ENOX1: variants seen among roughly 807,000 people sequenced by gnomAD.
ENOX1 encodes ecto-NOX disulfide-thiol exchanger 1.
Under a neutral mutation model 82.5 loss-of-function variants are expected in ENOX1, and 42 were observed. The observed-to-expected ratio is 0.51, with a 90% CI of 0.40 to 0.66. The LOEUF is 0.66. Ranked by LOEUF, ENOX1 falls within the 30% of genes least tolerant of loss-of-function variation. The probability of loss-of-function intolerance (pLI) is 0.00; values close to 1 mark genes in which losing one functional copy is unlikely to be tolerated. For synonymous variants in ENOX1, 271 were observed against 282.2 expected, an observed-to-expected ratio of 0.96 and a Z score of 0.40; for missense variants, 608 against 811.6, an observed-to-expected ratio of 0.75 and a Z score of 3.05.
At chr13:43,346,537 C>A (rs113745833) in intron 8 of ENOX1, among the ~76,000 whole-genome samples, 7 of 152,348 alleles carry the variant, frequency 4.6e-5, no homozygotes, top group African/African-American at 1.7e-4. Context: ...AACACACTTA[C>A]TGAGTATCGT....
chr13:43,451,914 A>T (rs1041942217), intron 3 of ENOX1, among the ~76,000 whole-genome samples: 1 of 152,224 alleles, frequency 6.6e-6, no homozygotes, highest in Non-Finnish European at 1.5e-5. Flanking sequence ...TATAGATTAT[A>T]TCAGATGGGG....
At chr13:43,543,689 T>A (rs993248014) in intron 2 of ENOX1, among the ~76,000 whole-genome samples, 2 of 149,976 alleles carry the variant, frequency 1.3e-5, no homozygotes, top group Non-Finnish European at 3.0e-5. Context: ...CCCTTGCTTC[T>A]GACTTTTCAG....
chr13:43,450,047 G>A (rs1323142), intron 3 of ENOX1, among the ~76,000 whole-genome samples: 61,538 of 152,100 alleles, frequency 0.4, 13,411 homozygotes, highest in Non-Finnish European at 0.5. Flanking sequence ...TAGCAATTTC[G>A]GAAGCGTCCA....
In ENOX1 at chr13:43,325,941, T is replaced by A. The variant is rs903883116; in HGVS notation, c.1143+478A>T. 3.7e-4 allele frequency among the ~76,000 whole-genome samples: 56 copies of A among 152,100 alleles called. 1 individual carries two copies. The highest frequency in any genetic ancestry group is 7.4e-4 in the Non-Finnish European group (50 of 68,026). On this transcript the variant is annotated intron_variant, in intron 10 of 16. Coordinates refer to ENST00000690772, the MANE Select transcript of ENOX1 (RefSeq NM_001347969.2). ...TATTCACTCCCCTTACAACATTGGA[T>A]CTGGAGAGAAGTGTAATAGGACTTA...
At chr13:43,471,863 T>C (rs942574271) in intron 3 of ENOX1, among the ~76,000 whole-genome samples, 12 of 150,952 alleles carry the variant, frequency 7.9e-5, no homozygotes, top group African/African-American at 2.9e-4. Context: ...ATAAGATTCA[T>C]GAATGATGAA....
intron 1 of ENOX1, among the ~76,000 whole-genome samples, chr13:43,745,170 G>A (rs975987751): frequency 1.3e-5 from 2 of 152,102 alleles, no homozygotes; most frequent in Non-Finnish European, 2.9e-5. Flanking sequence ...AAAAGTAACT[G>A]CAATAGAAAG....
intron 9 of ENOX1, among the ~76,000 whole-genome samples, chr13:43,338,720 C>G (rs1038465813): frequency 5.1e-5 from 6 of 116,908 alleles, no homozygotes; most frequent in Admixed American, 2.3e-4. Context: ...GAGTCTCGCT[C>G]TGTCACCCAG....
At chr13:43,505,402 T>C (rs1414606980) in intron 2 of ENOX1, among the ~76,000 whole-genome samples, 3 of 151,974 alleles carry the variant, frequency 2.0e-5, no homozygotes, top group Non-Finnish European at 2.9e-5. Context: ...TTCTAGACTA[T>C]ACCCTAAAAA....
intron 1 of ENOX1, among the ~76,000 whole-genome samples, chr13:43,726,718 T>TTGTGTGTGTGTG (rs55918525): frequency 2.3e-4 from 33 of 144,798 alleles, no homozygotes; most frequent in African/African-American, 7.1e-4. Context: ...GCATTGACTT[T>TTGTGTGTGTGTG]TGTGTGTGTG....
intron 2 of ENOX1, among the ~76,000 whole-genome samples, chr13:43,596,840 TATGCTTGGGCAA>T (rs1274628414): frequency 1.3e-5 from 2 of 152,238 alleles, no homozygotes; most frequent in Admixed American, 6.5e-5. Context: ...ATTAAGTGCC[TATGCTTGGGCAA>T]GTGCTGTGCT....
intron 1 of ENOX1, among the ~76,000 whole-genome samples, chr13:43,678,267 C>A (rs1219107584): frequency 2.0e-5 from 3 of 151,974 alleles, no homozygotes; most frequent in Non-Finnish European, 4.4e-5. Context: ...CTATAAAACT[C>A]AAAAAAATTC....
At chr13:43,703,417 C>G (rs888144120) in intron 1 of ENOX1, among the ~76,000 whole-genome samples, 1 of 152,146 alleles carries the variant, frequency 6.6e-6, no homozygotes, top group African/African-American at 2.4e-5. Flanking sequence ...AGAAATGTTG[C>G]TATTCCCCTG....
intron 2 of ENOX1, among the ~76,000 whole-genome samples, chr13:43,647,061 C>T (rs1566700878): frequency 6.6e-6 from 1 of 152,088 alleles, no homozygotes; most frequent in Non-Finnish European, 1.5e-5. Flanking sequence ...CCATTCTGGC[C>T]CTCTCAGAGG....
At chr13:43,231,037 T>A (rs1329000675) in intron 15 of ENOX1, among the ~76,000 whole-genome samples, 1 of 152,122 alleles carries the variant, frequency 6.6e-6, no homozygotes, top group African/African-American at 2.4e-5. Flanking sequence ...TGGTTGATAG[T>A]CTCCTAGGAA....
intron 1 of ENOX1, among the ~76,000 whole-genome samples, chr13:43,670,656 C>T (rs2085215864): frequency 6.6e-6 from 1 of 152,018 alleles, no homozygotes; most frequent in Admixed American, 6.6e-5. Flanking sequence ...GAGTTCGAGA[C>T]CAACCTAGCC....
chr13:43,577,035 TATA>T (rs2080459340), intron 2 of ENOX1, among the ~76,000 whole-genome samples: 1 of 152,164 alleles, frequency 6.6e-6, no homozygotes, highest in Non-Finnish European at 1.5e-5. Context: ...AAGATACAAG[TATA>T]ATAAGAAGTG....
intron 2 of ENOX1, among the ~76,000 whole-genome samples, chr13:43,514,102 C>CT (rs2077472872): frequency 6.6e-6 from 1 of 152,120 alleles, no homozygotes; most frequent in Admixed American, 6.6e-5. Context: ...TATCTATCTA[C>CT]TTCATGTTCA....
intron 1 of ENOX1, among the ~76,000 whole-genome samples, chr13:43,720,009 A>C (rs1331536725): frequency 6.6e-6 from 1 of 152,204 alleles, no homozygotes; most frequent in East Asian, 1.9e-4. Context: ...TTAAAAATTC[A>C]AGATGTATAT....
intron 1 of ENOX1, among the ~76,000 whole-genome samples, chr13:43,776,042 TGGA>T (rs987060847): frequency 1.3e-5 from 2 of 152,088 alleles, no homozygotes; most frequent in Non-Finnish European, 2.9e-5. Flanking sequence ...GGCAATAAGG[TGGA>T]GGAGGCTGAT....
Sources: allele counts gnomAD v4.1 joint callset (sites outside exome capture counted in the v4.1 genomes callset), GRCh38; gene constraint gnomAD v4.1.1; transcripts MANE v1.5; gene names NCBI Gene and HGNC (gene_info 2026-07-23, HGNC 2026-07-21).